DAB1: variants seen among roughly 807,000 people sequenced by gnomAD.
DAB1 encodes DAB adaptor protein 1, also known as disabled homolog 1.
Under a neutral mutation model 64.6 loss-of-function variants are expected in DAB1, and 15 were observed. The observed-to-expected ratio is 0.23, with a 90% CI of 0.16 to 0.36. The LOEUF (loss-of-function observed/expected upper bound fraction) is 0.36. DAB1 is among the 10% of genes least tolerant of loss of function. DAB1 has a pLI of 1.00. For missense variants in DAB1, 596 were observed against 706.7 expected (o/e 0.84, Z 1.78); for synonymous variants, 235 against 251.9 (o/e 0.93, Z 0.64).
intron 4 of DAB1, among the ~76,000 whole-genome samples, chr1:57,093,783 G>C (rs1377469125): frequency 6.6e-6 from 1 of 152,106 alleles, no homozygotes; most frequent in African/African-American, 2.4e-5. Flanking sequence ...GTATCTAGAA[G>C]AGGGCCTAGT....
chr1:57,848,358 ATAC>A (rs1370073707), intron 1 of DAB1, among the ~76,000 whole-genome samples: 1 of 152,272 alleles, frequency 6.6e-6, no homozygotes, highest in Non-Finnish European at 1.5e-5. Flanking sequence ...TAAAAATGAG[ATAC>A]TACAATTCTA....
intron 5 of DAB1, among the ~76,000 whole-genome samples, chr1:58,025,977 C>T (rs1021242712): frequency 2.0e-5 from 3 of 152,004 alleles, no homozygotes; most frequent in African/African-American, 7.2e-5. Context: ...ACCCCAAACA[C>T]TCATCCTTCA....
At chr1:57,591,467 A>T (rs1380469535) in intron 7 of DAB1, among the ~76,000 whole-genome samples, 1 of 152,212 alleles carries the variant, frequency 6.6e-6, no homozygotes, top group Non-Finnish European at 1.5e-5. Flanking sequence ...TAATACCCAA[A>T]TCAATGTCAT....
intron 3 of DAB1, among the ~76,000 whole-genome samples, chr1:58,409,493 T>A (rs849485): frequency 6.6e-6 from 1 of 152,174 alleles, no homozygotes; most frequent in South Asian, 2.1e-4. Context: ...CACAGTGGGC[T>A]GTCCCAGGAA....
chr1:57,202,692 A>G (rs1557929255), intron 2 of DAB1, among the ~76,000 whole-genome samples: 1 of 152,190 alleles, frequency 6.6e-6, no homozygotes, highest in African/African-American at 2.4e-5. Context: ...ACATCCATCC[A>G]TTATTTCATT....
At chr1:57,513,147 C>CT (rs11337217) in intron 7 of DAB1, among the ~76,000 whole-genome samples, 2 of 150,454 alleles carry the variant, frequency 1.3e-5, no homozygotes, top group South Asian at 4.2e-4. Flanking sequence ...AAAATATCCA[C>CT]TTTTTTTTTT....
intron 2 of DAB1, among the ~76,000 whole-genome samples, chr1:57,215,511 T>A (rs1231032188): frequency 6.6e-6 from 1 of 152,184 alleles, no homozygotes; most frequent in Non-Finnish European, 1.5e-5. Context: ...GAGCACACAG[T>A]CTTTGAGTTT....
At chr1:57,944,596 T>C (rs1645156433) in intron 5 of DAB1, among the ~76,000 whole-genome samples, 1 of 152,198 alleles carries the variant, frequency 6.6e-6, no homozygotes, top group Admixed American at 6.5e-5. Flanking sequence ...CTCCAGTCTT[T>C]AGAATGCAGG....
chr1:58,516,665 G>C (rs75943377), intron 2 of DAB1, among the ~76,000 whole-genome samples: 1 of 152,174 alleles, frequency 6.6e-6, no homozygotes, highest in African/African-American at 2.4e-5. Context: ...TACTTTGAAA[G>C]AGGCTTCATG....
chr1:58,510,911 TAA>T (rs1243771780), intron 2 of DAB1, among the ~76,000 whole-genome samples: 1 of 151,834 alleles, frequency 6.6e-6, no homozygotes, highest in African/African-American at 2.4e-5. Flanking sequence ...TAAACCAAAC[TAA>T]GGAGGTGAAA....
intron 3 of DAB1, among the ~76,000 whole-genome samples, chr1:58,452,164 C>T (rs927599340): frequency 6.6e-6 from 1 of 151,770 alleles, no homozygotes; most frequent in Admixed American, 6.6e-5. Flanking sequence ...GAACTCCTGA[C>T]CTCAGATGAT....
At chr1:57,261,488 C>G (rs2100557136) in intron 2 of DAB1, among the ~76,000 whole-genome samples, 1 of 152,260 alleles carries the variant, frequency 6.6e-6, no homozygotes, top group East Asian at 1.9e-4. Flanking sequence ...CTCCCACTGA[C>G]TGAATGTAAG....
At chr1:57,879,656 A>T (rs1644111445) in intron 1 of DAB1, among the ~76,000 whole-genome samples, 1 of 152,104 alleles carries the variant, frequency 6.6e-6, no homozygotes, top group African/African-American at 2.4e-5. Context: ...AGTAGGGTTT[A>T]TGTGGGTGTG....
At chr1:57,024,484 G>C (rs1045213775) in intron 10 of DAB1, among the ~76,000 whole-genome samples, 2 of 152,132 alleles carry the variant, frequency 1.3e-5, no homozygotes, top group Non-Finnish European at 2.9e-5. Flanking sequence ...ATAGGCTGGG[G>C]CAAGCAATTA....
At chr1:57,307,963 C>A (rs140040511) in intron 1 of DAB1, among the ~76,000 whole-genome samples, 28 of 152,304 alleles carry the variant, frequency 1.8e-4, no homozygotes, top group African/African-American at 6.3e-4. Flanking sequence ...TGAATCTCTG[C>A]ACCTTTGCCC....
At chr1:58,348,029 G>C (rs1644018044) in intron 3 of DAB1, among the ~76,000 whole-genome samples, 1 of 152,134 alleles carries the variant, frequency 6.6e-6, no homozygotes, top group African/African-American at 2.4e-5. Context: ...TCATCTCTTT[G>C]TACCTGCAGC....
chr1:57,504,649 C>G (rs1256531181), intron 7 of DAB1, among the ~76,000 whole-genome samples: 1 of 152,154 alleles, frequency 6.6e-6, no homozygotes, highest in Non-Finnish European at 1.5e-5. Flanking sequence ...AAACTTCATA[C>G]TCCTTAAGTG....
At chr1:58,317,623 G>A (rs1023656765) in intron 4 of DAB1, among the ~76,000 whole-genome samples, 2 of 152,154 alleles carry the variant, frequency 1.3e-5, no homozygotes, top group African/African-American at 4.8e-5. Context: ...CGAAGGAACT[G>A]GATTCTGCCA....
intron 1 of DAB1, among the ~76,000 whole-genome samples, chr1:57,856,237 G>A (rs852801): frequency 0.41 from 62,284 of 151,746 alleles, 13,352 homozygotes; most frequent in Non-Finnish European, 0.49. Flanking sequence ...GATCATGCCC[G>A]CCTTATAGAT....
Sources: allele counts gnomAD v4.1 joint callset (sites outside exome capture counted in the v4.1 genomes callset), GRCh38; gene constraint gnomAD v4.1.1; transcripts MANE v1.5; gene names NCBI Gene and HGNC (gene_info 2026-07-23, HGNC 2026-07-21).